FARP1: variants seen among roughly 807,000 people sequenced by gnomAD.
FARP1 encodes FERM, ARHGEF and pleckstrin domain-containing protein 1.
In FARP1, 52 loss-of-function variants were observed where a neutral mutation model predicts 128.8. That is an observed-to-expected ratio of 0.40 (90% confidence interval 0.32 to 0.51). The LOEUF (loss-of-function observed/expected upper bound fraction) is 0.51. Ranked by LOEUF, FARP1 falls within the 20% of genes least tolerant of loss-of-function variation. The pLI, the probability that FARP1 is intolerant of heterozygous loss-of-function variation, is 0.45. For synonymous variants in FARP1, 580 were observed against 551.8 expected (o/e 1.05, Z -0.72); for missense variants, 1,333 against 1,367.9 (o/e 0.97, Z 0.40).
At chr13:98,392,320 A>C (rs1594481347) in intron 11 of FARP1, among the ~76,000 whole-genome samples, 1 of 59,622 alleles carries the variant, frequency 1.7e-5, no homozygotes, top group Non-Finnish European at 3.0e-5. Context: ...GCTCATCTCT[A>C]CCCAAAAAAA....
At chr13:98,237,258 C>G (rs540261601) in intron 2 of FARP1, among the ~76,000 whole-genome samples, 1 of 149,942 alleles carries the variant, frequency 6.7e-6, no homozygotes, top group East Asian at 2.0e-4. Context: ...GAGCTGAGAT[C>G]ACGCCATTGT....
At position 98,410,744 on chromosome 13, in the gene FARP1, C is replaced by A. The variant is rs1378799001; in HGVS notation, c.1613C>A (p.Thr538Asn). The change falls in exon 15 of 27, where the codon ACT becomes AAT. Residue 538 changes from threonine (T) to asparagine (N), a missense_variant. Thr to Asn is a moderately conservative substitution (Grantham distance 65). Coordinates refer to ENST00000319562, the MANE Select transcript of FARP1 (RefSeq NM_005766.4). ...TGCTGGGTTTTGCAGAGATTCCCAA[C>A]TGATAAAGCGTACTTCATAGCTAAG... ...EDEGRRKRFPTDKAYFIAKEV... is the reference protein window; with the variant it reads ...EDEGRRKRFPNDKAYFIAKEV... 7 of 1,595,376 alleles carry A rather than the reference C, an allele frequency of 4.4e-6. No homozygotes were observed. Among genetic ancestry groups the A allele is most frequent in the Non-Finnish European group, 6.0e-6 (7 of 1,165,724 alleles).
At chr13:98,342,946 C>A (rs1163607783) in intron 2 of FARP1, among the ~76,000 whole-genome samples, 1 of 151,948 alleles carries the variant, frequency 6.6e-6, no homozygotes, top group African/African-American at 2.4e-5. Context: ...ATCAGTTGAA[C>A]CCGGGAGGTG....
At chr13:98,290,496 C>T (rs146250736) in intron 2 of FARP1, among the ~76,000 whole-genome samples, 5 of 152,062 alleles carry the variant, frequency 3.3e-5, no homozygotes, top group African/African-American at 7.2e-5. Flanking sequence ...TTTAAGGAAC[C>T]GCAAGGTGTC....
At position 98,177,108 on chromosome 13, in the gene FARP1, G is replaced by C. The variant is rs748940106; in HGVS notation, c.-24+33616G>C. On this transcript the variant is annotated intron_variant, in intron 1 of 26. Transcript: ENST00000319562. ...CGTCCCCGCTGCTGCTGCTCTCTCC[G>C]TGCTCGGGGTCGCAGGCCGGGCGCT... is the stretch of plus-strand genomic sequence containing the variant. 4 of 1,601,262 alleles carry C rather than the reference G, an allele frequency of 2.5e-6. No homozygotes were observed. The East Asian group carries it at 8.9e-5, about 36-fold the overall frequency.
chr13:98,448,728 G>A lies in FARP1; in HGVS notation c.*411G>A, dbSNP rs1162626162. 1 of 128,528 alleles carries A rather than the reference G, an allele frequency of 7.8e-6. No individual in the cohort carries two copies. Among genetic ancestry groups the A allele is most frequent in the Non-Finnish European group, 1.7e-5 (1 of 59,612 alleles). The allele number at this position is 128,528 out of a possible 1,614,324, so 8.0% of individuals were successfully genotyped here. ...ATTGGCTGCTGCATTTTACGAAGTGGACTTCCCGGTGTTTGTTTGTTTGTT... is the reference window on the plus strand; with the variant it reads ...ATTGGCTGCTGCATTTTACGAAGTGAACTTCCCGGTGTTTGTTTGTTTGTT... On this transcript the variant is annotated 3_prime_UTR_variant, in exon 27 of 27. Coordinates refer to ENST00000319562, the MANE Select transcript of FARP1 (RefSeq NM_005766.4).
At position 98,148,208 on chromosome 13, in the gene FARP1, G is replaced by A. The variant is rs149635201; in HGVS notation, c.-24+4716G>A. ...AGCCTGACCAACATGGAGAAACCCCGTCTCTACTAAAAATACAAAATTAGC... is the reference window on the plus strand; with the variant it reads ...AGCCTGACCAACATGGAGAAACCCCATCTCTACTAAAAATACAAAATTAGC... On this transcript the variant is annotated intron_variant, in intron 1 of 26. Transcript: ENST00000319562. 5.8e-3 allele frequency among the ~76,000 whole-genome samples: 882 copies of A among 152,206 alleles called. 9 individuals carry two copies. The highest frequency in any genetic ancestry group is 0.02 in the African/African-American group (839 of 41,538).
rs945497328 is a variant in FARP1 at position 98,176,114 on chromosome 13, T to G, written c.-24+32622T>G. On this transcript the variant is annotated intron_variant, in intron 1 of 26. Transcript: ENST00000319562. This position sits in a 1 kb window ranked among gnomAD's most constrained non-coding sequence, Gnocchi z 6.2. ...AGGAAGACTGTCATCTCTCTCATCTTACTCAACAGGCTGCTTCTCCCCAGT... is the reference window on the plus strand; with the variant it reads ...AGGAAGACTGTCATCTCTCTCATCTGACTCAACAGGCTGCTTCTCCCCAGT... The G allele has an allele frequency of 6.6e-7, 1 of 1,525,748 alleles. No individual in the cohort carries two copies. The highest frequency in any genetic ancestry group is 2.2e-5 in the East Asian group (1 of 44,532). 94.5% of individuals were successfully genotyped at this position (1,525,748 alleles called of 1,614,324 possible). A position where few individuals can be genotyped will look rare whatever the true frequency, so the allele number is the denominator to read the frequency against.
At position 98,252,446 on chromosome 13, in the gene FARP1, C is replaced by T. The variant is rs183215834; in HGVS notation, c.171+39033C>T. Among the ~76,000 whole-genome samples the T allele has an allele frequency of 7.2e-5, 11 of 152,178 alleles. No individual in the cohort carries two copies. The East Asian group carries it at 9.7e-4, about 13-fold the overall frequency. ...TATTTTCATTTATTAAAATTAAAACCGACCCCAACACAGAGTGAAGATGAC... is the reference window on the plus strand; with the variant it reads ...TATTTTCATTTATTAAAATTAAAACTGACCCCAACACAGAGTGAAGATGAC... On this transcript the variant is annotated intron_variant, in intron 2 of 26. Coordinates refer to ENST00000319562, the MANE Select transcript of FARP1 (RefSeq NM_005766.4).
At chr13:98,323,636 A>G (rs1887103210) in intron 2 of FARP1, among the ~76,000 whole-genome samples, 1 of 152,146 alleles carries the variant, frequency 6.6e-6, no homozygotes, top group African/African-American at 2.4e-5. Context: ...CTTGAAGGCC[A>G]CCTTTTAAGG....
At chr13:98,318,000 T>G (rs1337662280) in intron 2 of FARP1, among the ~76,000 whole-genome samples, 1 of 144,176 alleles carries the variant, frequency 6.9e-6, no homozygotes, top group Non-Finnish European at 1.5e-5. Context: ...TTCCTCATCC[T>G]CCTCCTCCCT....
At chr13:98,442,673 T>C (rs1037180028) in intron 24 of FARP1, among the ~76,000 whole-genome samples, 2 of 152,028 alleles carry the variant, frequency 1.3e-5, no homozygotes, top group Non-Finnish European at 2.9e-5. Flanking sequence ...TCCCAGGGGA[T>C]GGGGATTATG....
At chr13:98,175,395 C>G (rs1316776978) in intron 1 of FARP1, among the ~76,000 whole-genome samples, 1 of 152,044 alleles carries the variant, frequency 6.6e-6, no homozygotes, top group Non-Finnish European at 1.5e-5. Context: ...CAACTCCTCC[C>G]CTCCTTGGTT....
intron 8 of FARP1, among the ~76,000 whole-genome samples, chr13:98,387,175 C>T (rs1257244653): frequency 1.3e-5 from 2 of 152,082 alleles, no homozygotes; most frequent in African/African-American, 4.8e-5. Flanking sequence ...ATGGCGTGTA[C>T]CTGTAATCCC....
intron 24 of FARP1, among the ~76,000 whole-genome samples, chr13:98,443,484 T>C (rs1892615203): frequency 6.6e-6 from 1 of 152,212 alleles, no homozygotes; most frequent in Non-Finnish European, 1.5e-5. Context: ...CCTCCCTGCA[T>C]GACAGGACAA....
At chr13:98,361,281 C>T (rs1332528778) in intron 3 of FARP1, among the ~76,000 whole-genome samples, 3 of 152,184 alleles carry the variant, frequency 2.0e-5, no homozygotes, top group Non-Finnish European at 2.9e-5. Flanking sequence ...GCAGTGTTCC[C>T]GCTGCGGAGC....
intron 1 of FARP1, among the ~76,000 whole-genome samples, chr13:98,168,432 T>A (rs1038173041): frequency 2.0e-5 from 3 of 152,236 alleles, no homozygotes; most frequent in African/African-American, 7.2e-5. Context: ...TTTAGTCTCT[T>A]CAGATTAATC....
chr13:98,160,944 C>T (rs1876839867), intron 1 of FARP1, among the ~76,000 whole-genome samples: 1 of 152,074 alleles, frequency 6.6e-6, no homozygotes, highest in African/African-American at 2.4e-5. Context: ...TCCCAAAGTG[C>T]CGGGAGTACA....
At chr13:98,346,518 G>C (rs1235168288) in intron 3 of FARP1, among the ~76,000 whole-genome samples, 1 of 151,808 alleles carries the variant, frequency 6.6e-6, no homozygotes, top group Non-Finnish European at 1.5e-5. Flanking sequence ...GCTCAGGCAG[G>C]AGGATCACTT....
Sources: allele counts gnomAD v4.1 joint callset (sites outside exome capture counted in the v4.1 genomes callset), GRCh38; gene constraint gnomAD v4.1.1; non-coding constraint Gnocchi (gnomAD v3.1); transcripts MANE v1.5; gene names NCBI Gene and HGNC (gene_info 2026-07-23, HGNC 2026-07-21).